SHISA5: variants seen among roughly 807,000 people sequenced by gnomAD.
The protein encoded by SHISA5 is protein shisa-5.
Under a neutral mutation model 27.5 loss-of-function variants are expected in SHISA5, and 21 were observed. The ratio of observed to expected loss-of-function variants is 0.76; its 90% CI spans 0.54 to 1.10. The LOEUF is 1.10. SHISA5 is among the 50% of genes least tolerant of loss of function. The probability of loss-of-function intolerance (pLI) is 0.00; values close to 1 mark genes in which losing one functional copy is unlikely to be tolerated. For missense variants in SHISA5, 314 were observed against 336.3 expected, an observed-to-expected ratio of 0.93 and a Z score of 0.52; for synonymous variants, 137 against 142.2, an observed-to-expected ratio of 0.96 and a Z score of 0.26.
At chr3:48,501,394 C>T (rs1575335648) in intron 1 of SHISA5, 101 bp from the exon 2 acceptor site, 6 of 1,283,880 alleles carry the variant, frequency 4.7e-6, no homozygotes, top group South Asian at 2.7e-5. Context: ...CACACACACA[C>T]ATGCTGCACC....
At chr3:48,494,626 C>T (rs1460660803) in intron 2 of SHISA5, among the ~76,000 whole-genome samples, 2 of 147,476 alleles carry the variant, frequency 1.4e-5, no homozygotes, top group Non-Finnish European at 2.9e-5. Context: ...AATAGTATTT[C>T]GCTGTGTACA....
At chr3:48,475,266 C>T (rs75511785) in intron 3 of SHISA5, among the ~76,000 whole-genome samples, 7 of 152,042 alleles carry the variant, frequency 4.6e-5, no homozygotes, top group Non-Finnish European at 7.4e-5. Flanking sequence ...CAAGGCCACA[C>T]GTGGCTACAG....
Position 48,468,415 on chromosome 3 carries a change from G to C in SHISA5, c.*692C>G, listed in dbSNP as rs570503738. The C allele has an allele frequency of 5.4e-6, 6 of 1,115,608 alleles. No individual in the cohort carries two copies. The highest frequency in any genetic ancestry group is 9.4e-5 in the Admixed American group (2 of 21,384). The allele number at this position is 1,115,608 out of a possible 1,614,324, so 69.1% of individuals were successfully genotyped here. On this transcript the variant is annotated 3_prime_UTR_variant, in exon 6 of 6. Coordinates refer to ENST00000296444, the MANE Select transcript of SHISA5 (RefSeq NM_016479.6). ...TGGCCCTCCAGCTGGTCCCAGGGGA[G>C]ATGCGGGGACAGGGGACAGTCCAGG...
rs1322719726 is a variant in SHISA5 at position 48,493,922 on chromosome 3, AG to A, written c.233+7214del. Among the ~76,000 whole-genome samples the A allele has an allele frequency of 1.3e-4, 19 of 147,816 alleles. 1 individual carries two copies. The highest frequency in any genetic ancestry group is 2.4e-4 in the Non-Finnish European group (16 of 67,924). The stretch of plus-strand genomic sequence containing the variant: ...ATGTATATATTGAATGGCTAAATTG[AG>A]GTAATTAGCATATGCATTACTTCAC... On this transcript the variant is annotated intron_variant, in intron 2 of 5. Transcript: ENST00000296444.
intron 3 of SHISA5, among the ~76,000 whole-genome samples, chr3:48,471,554 C>CA (rs1553822500): frequency 0.022 from 367 of 16,336 alleles, 13 homozygotes; most frequent in Middle Eastern, 0.056. Context: ...GACTCTGTCT[C>CA]AAAAAAAAAA....
At chr3:48,498,140 A>C (rs892070940) in intron 2 of SHISA5, among the ~76,000 whole-genome samples, 1 of 152,250 alleles carries the variant, frequency 6.6e-6, no homozygotes, top group African/African-American at 2.4e-5. Context: ...CACAAAAAGC[A>C]TTTGACATAA....
chr3:48,468,242 G>A lies in SHISA5; in HGVS notation c.*865C>T. On this transcript the variant is annotated 3_prime_UTR_variant, in exon 6 of 6. Coordinates refer to ENST00000296444, the MANE Select transcript of SHISA5 (RefSeq NM_016479.6). Reference sequence around the variant, plus strand: ...ACTATCATGTTTGAAACAGAAAACAGGCAAAATGTTTGGCTAAAATAAAAT... The same window carrying A: ...ACTATCATGTTTGAAACAGAAAACAAGCAAAATGTTTGGCTAAAATAAAAT... 1 of 1,001,206 alleles carries A rather than the reference G, an allele frequency of 1.0e-6. No homozygotes were observed. The highest frequency in any genetic ancestry group is 1.2e-6 in the Non-Finnish European group (1 of 838,850). 62.0% of individuals were successfully genotyped at this position (1,001,206 alleles called of 1,614,324 possible). A position where few individuals can be genotyped will look rare whatever the true frequency, so the allele number is the denominator to read the frequency against.
At chr3:48,482,998 C>T (rs1427206338) in intron 2 of SHISA5, among the ~76,000 whole-genome samples, 1 of 152,144 alleles carries the variant, frequency 6.6e-6, no homozygotes, top group African/African-American at 2.4e-5. Context: ...GATCACAGCT[C>T]ACTGCAGCTA....
In SHISA5 at chr3:48,468,431, A is replaced by C; in HGVS notation, c.*676T>G. ...CCCAGGGGAGATGCGGGGACAGGGG[A>C]CAGTCCAGGCAGACAGGTACAGCTG... is the stretch of plus-strand genomic sequence containing the variant. On this transcript the variant is annotated 3_prime_UTR_variant, in exon 6 of 6. Transcript: ENST00000296444. 8.9e-7 allele frequency: 1 copy of C among 1,127,584 alleles called. No individual in the cohort carries two copies. The highest frequency in any genetic ancestry group is 1.1e-6 in the Non-Finnish European group (1 of 911,730). The allele number at this position is 1,127,584 out of a possible 1,614,324, so 69.8% of individuals were successfully genotyped here.
At chr3:48,486,920 C>CAA (rs747460201) in intron 2 of SHISA5, among the ~76,000 whole-genome samples, 6 of 94,770 alleles carry the variant, frequency 6.3e-5, no homozygotes, top group African/African-American at 2.0e-4. Context: ...GACTCCATCT[C>CAA]AAAAAAAAAA....
chr3:48,491,789 A>C (rs1202397055), intron 2 of SHISA5, among the ~76,000 whole-genome samples: 1 of 152,076 alleles, frequency 6.6e-6, no homozygotes, highest in African/African-American at 2.4e-5. Context: ...TTGGGACCAC[A>C]GACGCGCACC....
intron 1 of SHISA5, chr3:48,503,251 C>T: frequency 9.0e-7 from 1 of 1,106,548 alleles, no homozygotes; most frequent in Non-Finnish European, 1.2e-6. Context: ...TGCTCTCTGA[C>T]CCCCAGACCT....
rs2040574015 is a variant in SHISA5, at chr3:48,470,625, G to A, written c.315-782C>T. 6.6e-6 allele frequency among the ~76,000 whole-genome samples: 1 copy of A among 152,204 alleles called. No individual in the cohort carries two copies. Among genetic ancestry groups the A allele is most frequent in the Non-Finnish European group, 1.5e-5 (1 of 68,032 alleles). On this transcript the variant is annotated intron_variant, in intron 3 of 5. Coordinates refer to ENST00000296444, the MANE Select transcript of SHISA5 (RefSeq NM_016479.6). This position sits in a 1 kb window ranked among gnomAD's most constrained non-coding sequence, Gnocchi z 4.3. Reference sequence around the variant, plus strand: ...GAGAAAGCAGGCCCTGGGCTGGGAAGCTCACCAAAATTGACTTCTAGGAGG... The same window carrying A: ...GAGAAAGCAGGCCCTGGGCTGGGAAACTCACCAAAATTGACTTCTAGGAGG...
At chr3:48,501,932 C>T (rs1284681940) in intron 1 of SHISA5, among the ~76,000 whole-genome samples, 7 of 150,874 alleles carry the variant, frequency 4.6e-5, no homozygotes, top group Non-Finnish European at 8.8e-5. Flanking sequence ...GCGATCTCAG[C>T]TCACTGCAAT....
At chr3:48,475,191 C>G (rs1337313230) in intron 3 of SHISA5, among the ~76,000 whole-genome samples, 1 of 152,140 alleles carries the variant, frequency 6.6e-6, no homozygotes. Flanking sequence ...AGACCCCACC[C>G]AGGCACGGTG....
At chr3:48,479,454 G>T in intron 2 of SHISA5, 197 bp from the exon 3 acceptor site, 1 of 590,798 alleles carries the variant, frequency 1.7e-6, no homozygotes, top group Non-Finnish European at 3.0e-6. Flanking sequence ...CCACCAGACT[G>T]TCTCCAGGAG....
In SHISA5 at chr3:48,503,998, CCG is replaced by C; in HGVS notation, c.76+19_76+20del. On this transcript the variant is annotated intron_variant, in intron 1 of 5. Coordinates refer to ENST00000296444, the MANE Select transcript of SHISA5 (RefSeq NM_016479.6). ...CTGCCCGGTCCCAGGGCAGGACGGG[CCG>C]CCCCCACCCCCGGCTCACCACCCGG... 6.9e-7 allele frequency: 1 copy of C among 1,459,102 alleles called. No homozygotes were observed. The highest frequency in any genetic ancestry group is 9.1e-7 in the Non-Finnish European group (1 of 1,102,344). 90.4% of individuals were successfully genotyped at this position (1,459,102 alleles called of 1,614,324 possible). A position where few individuals can be genotyped will look rare whatever the true frequency, so the allele number is the denominator to read the frequency against.
chr3:48,479,106 C>T, intron 3 of SHISA5, 71 bp downstream of exon 3: 3 of 1,389,974 alleles, frequency 2.2e-6, no homozygotes, highest in Non-Finnish European at 2.0e-6. Context: ...CCCCCAGATG[C>T]ACACTGGCCC....
In SHISA5 at chr3:48,468,807, C is replaced by T. The variant is rs370783068; in HGVS notation, c.*300G>A. ...GAGGCCCCCACCTCTCAGGGGCCACCTCACAGGGTGCCCCCCACCACCCCA... is the reference window on the plus strand; with the variant it reads ...GAGGCCCCCACCTCTCAGGGGCCACTTCACAGGGTGCCCCCCACCACCCCA... On this transcript the variant is annotated 3_prime_UTR_variant, in exon 6 of 6. Coordinates refer to ENST00000296444, the MANE Select transcript of SHISA5 (RefSeq NM_016479.6). 4.9e-5 allele frequency: 71 copies of T among 1,453,518 alleles called. 1 individual carries two copies. In the Middle Eastern group the frequency reaches 5.4e-4, roughly 11 times the overall value. 90.0% of individuals were successfully genotyped at this position (1,453,518 alleles called of 1,614,324 possible).
Sources: gnomAD v4.1 joint callset for allele counts (sites outside exome capture counted in the v4.1 genomes callset) on GRCh38, gnomAD v4.1.1 for gene constraint, Gnocchi (gnomAD v3.1) non-coding constraint, MANE v1.5 for transcripts, NCBI Gene and HGNC (gene_info 2026-07-23, HGNC 2026-07-21) for gene names.